The following SUCLG2 variants were observed in gnomAD, a reference collection of about 807,000 sequenced individuals.
The protein encoded by SUCLG2 is succinate--CoA ligase [GDP-forming] subunit beta, mitochondrial.
A neutral mutation model predicts 47.9 loss-of-function variants in SUCLG2; 42 were observed. The ratio of observed to expected loss-of-function variants is 0.88; its 90% CI spans 0.69 to 1.14. The LOEUF (loss-of-function observed/expected upper bound fraction) is 1.14. Ranked by LOEUF, SUCLG2 falls within the 50% of genes most tolerant of loss-of-function variation. The pLI is 0.00. For missense variants in SUCLG2, 571 were observed against 525.9 expected (o/e 1.09, Z -0.84); for synonymous variants, 195 against 197.3 (o/e 0.99, Z 0.10).
chr3:67,607,978 T>C (rs1237655810), intron 2 of SUCLG2, among the ~76,000 whole-genome samples: 3 of 152,180 alleles, frequency 2.0e-5, no homozygotes, highest in Non-Finnish European at 4.4e-5. Context: ...TATGTCTTTA[T>C]TAGTAGCATG....
chr3:67,375,910 T>G, intron 10 of SUCLG2, 51 bp from the exon 11 acceptor site: 5 of 1,586,352 alleles, frequency 3.2e-6, no homozygotes, highest in South Asian at 1.1e-5. Flanking sequence ...GGTGGCGCCT[T>G]ATGAAGTTTG....
intron 9 of SUCLG2, among the ~76,000 whole-genome samples, chr3:67,483,216 C>T (rs965391018): frequency 5.3e-5 from 8 of 151,676 alleles, no homozygotes; most frequent in African/African-American, 1.7e-4. Flanking sequence ...GCTGCGTAAA[C>T]TATTTAAGTG....
chr3:67,490,401 C>T (rs139162916), intron 9 of SUCLG2, among the ~76,000 whole-genome samples: 1 of 152,276 alleles, frequency 6.6e-6, no homozygotes, highest in African/African-American at 2.4e-5. Context: ...GAAACATATA[C>T]CATAGAGCAC....
intron 10 of SUCLG2, among the ~76,000 whole-genome samples, chr3:67,394,162 G>C (rs1437578667): frequency 6.6e-6 from 1 of 152,202 alleles, no homozygotes; most frequent in Non-Finnish European, 1.5e-5. Flanking sequence ...ACAGAACAAA[G>C]CTGGACGGAG....
chr3:67,648,577 C>T (rs1457737873), intron 1 of SUCLG2, among the ~76,000 whole-genome samples: 1 of 152,156 alleles, frequency 6.6e-6, no homozygotes, highest in Non-Finnish European at 1.5e-5. Context: ...CTCTCTATGC[C>T]TCTGACTGCT....
intron 2 of SUCLG2, among the ~76,000 whole-genome samples, chr3:67,568,841 C>G (rs1240020993): frequency 6.6e-6 from 1 of 151,990 alleles, no homozygotes; most frequent in Non-Finnish European, 1.5e-5. Context: ...GAGCCGAGAT[C>G]GCGCCACTGC....
intron 2 of SUCLG2, among the ~76,000 whole-genome samples, chr3:67,599,329 T>C (rs1575806972): frequency 6.6e-6 from 1 of 152,298 alleles, no homozygotes; most frequent in African/African-American, 2.4e-5. Context: ...GGCCACACAC[T>C]GGGTAACAGG....
chr3:67,446,516 C>T (rs1208852318), intron 9 of SUCLG2, among the ~76,000 whole-genome samples: 3 of 147,772 alleles, frequency 2.0e-5, no homozygotes, highest in Non-Finnish European at 3.0e-5. Flanking sequence ...CTGCAACCTC[C>T]ACCTCCCGGG....
chr3:67,461,104 C>G (rs999714257), intron 9 of SUCLG2, among the ~76,000 whole-genome samples: 4 of 152,194 alleles, frequency 2.6e-5, no homozygotes, highest in Non-Finnish European at 4.4e-5. Context: ...GGATTTAAAA[C>G]TCTATGACAA....
rs186055119 is a variant in SUCLG2 at position 67,553,907 on chromosome 3, C to G, written c.227-24721G>C. On this transcript the variant is annotated intron_variant, in intron 2 of 10. Coordinates refer to ENST00000307227, the MANE Select transcript of SUCLG2 (RefSeq NM_003848.4). ...AGAAACACATCAACTAAAAAATGTA[C>G]GCAGATTACTAATAATTGATAAGCA... Among the ~76,000 whole-genome samples, 5 of 152,240 alleles carry G rather than the reference C, an allele frequency of 3.3e-5. No individual in the cohort carries two copies. In the East Asian group the frequency reaches 9.6e-4, roughly 29 times the overall value.
intron 6 of SUCLG2, chr3:67,514,452 C>T (rs116840098): frequency 2.8e-5 from 7 of 246,018 alleles, no homozygotes; most frequent in East Asian, 1.1e-4. Flanking sequence ...TATTCACGTA[C>T]GCCTCTCAAA....
intron 2 of SUCLG2, among the ~76,000 whole-genome samples, chr3:67,608,760 C>T (rs576947826): frequency 6.6e-6 from 1 of 151,856 alleles, no homozygotes; most frequent in East Asian, 1.9e-4. Context: ...CCACTGCAAT[C>T]TCAAACTCGT....
At chr3:67,390,266 C>G (rs1702350790) in intron 10 of SUCLG2, among the ~76,000 whole-genome samples, 2 of 152,156 alleles carry the variant, frequency 1.3e-5, no homozygotes, top group African/African-American at 4.8e-5. Context: ...TGCCATCAGT[C>G]TCTCTAATAT....
rs79773576 is a variant in SUCLG2, at chr3:67,473,077, A to T, written c.1062+22721T>A. Among the ~76,000 whole-genome samples, 680 of 152,364 alleles carry T rather than the reference A, an allele frequency of 4.5e-3. 11 individuals are homozygous for T. In the East Asian group the frequency reaches 0.059, roughly 13 times the overall value. ...CAGTATGATCTAGACTTTAATTTTT[A>T]AAAATATGCATTTATACAGAAATGA... On this transcript the variant is annotated intron_variant, in intron 9 of 10. Transcript: ENST00000307227.
intron 9 of SUCLG2, among the ~76,000 whole-genome samples, chr3:67,414,808 C>G (rs1703003787): frequency 6.6e-6 from 1 of 152,196 alleles, no homozygotes; most frequent in Non-Finnish European, 1.5e-5. Context: ...TCACTACCCT[C>G]TCTAACTTTT....
intron 9 of SUCLG2, among the ~76,000 whole-genome samples, chr3:67,474,026 G>C (rs1704671335): frequency 6.6e-6 from 1 of 152,124 alleles, no homozygotes; most frequent in Non-Finnish European, 1.5e-5. Context: ...GGGAGGCCAA[G>C]GCAGGATGAT....
intron 2 of SUCLG2, among the ~76,000 whole-genome samples, chr3:67,596,463 G>T (rs1708294442): frequency 6.6e-6 from 1 of 152,154 alleles, no homozygotes; most frequent in Non-Finnish European, 1.5e-5. Flanking sequence ...GAGTCAGAAA[G>T]GGAAAGTAGT....
At chr3:67,533,119 A>G (rs1706445568) in intron 2 of SUCLG2, among the ~76,000 whole-genome samples, 1 of 152,244 alleles carries the variant, frequency 6.6e-6, no homozygotes, top group African/African-American at 2.4e-5. Flanking sequence ...CTCACAAGAC[A>G]TATTTCAGAG....
At chr3:67,372,527 T>G (rs983227443), downstream of SUCLG2, among the ~76,000 whole-genome samples, 1 of 152,188 alleles carries the variant, frequency 6.6e-6, no homozygotes, top group African/African-American at 2.4e-5. Context: ...TAGCCATGAT[T>G]TGGTATTATT....
Sources: gnomAD v4.1 joint callset for allele counts (sites outside exome capture counted in the v4.1 genomes callset) on GRCh38, gnomAD v4.1.1 for gene constraint, MANE v1.5 for transcripts, NCBI Gene and HGNC (gene_info 2026-07-23, HGNC 2026-07-21) for gene names.